The following RNF180 variants were observed in gnomAD, a reference collection of about 807,000 sequenced individuals.
RNF180 encodes ring finger protein 180, also known as E3 ubiquitin-protein ligase RNF180.
A neutral mutation model predicts 59.2 loss-of-function variants in RNF180; 38 were observed. The ratio of observed to expected loss-of-function variants is 0.64; its 90% confidence interval spans 0.50 to 0.84. RNF180 has a LOEUF of 0.84. Among genes scored for constraint, RNF180 ranks in the 40% least tolerant of loss-of-function variants. The probability of loss-of-function intolerance (pLI) is 0.00; values close to 1 mark genes in which losing one functional copy is unlikely to be tolerated. For missense variants in RNF180, 705 were observed against 700.9 expected (o/e 1.01, Z -0.07); for synonymous variants, 262 against 240.3 (o/e 1.09, Z -0.84).
chr5:64,324,142 C>T (rs1744511001), intron 5 of RNF180, among the ~76,000 whole-genome samples: 1 of 152,168 alleles, frequency 6.6e-6, no homozygotes. Flanking sequence ...CTTCTAAAGA[C>T]CAAAACACTT....
At chr5:64,180,572 CAGAA>C (rs931925226) in intron 1 of RNF180, among the ~76,000 whole-genome samples, 1 of 152,048 alleles carries the variant, frequency 6.6e-6, no homozygotes, top group Non-Finnish European at 1.5e-5. Context: ...TTCAAAAACA[CAGAA>C]AGCAGGAGGA....
At chr5:64,258,017 A>G (rs11743112) in intron 5 of RNF180, among the ~76,000 whole-genome samples, 39,270 of 152,150 alleles carry the variant, frequency 0.26, 5,220 homozygotes, top group Middle Eastern at 0.32. Flanking sequence ...AAAAGAAGGA[A>G]TAACAGCAAA....
At chr5:64,281,076 G>A (rs554514494) in intron 5 of RNF180, among the ~76,000 whole-genome samples, 2 of 152,206 alleles carry the variant, frequency 1.3e-5, no homozygotes, top group Admixed American at 1.3e-4. Flanking sequence ...ATTGTGAATG[G>A]GATTGCATCC....
intron 4 of RNF180, among the ~76,000 whole-genome samples, chr5:64,214,769 G>A (rs1472428919): frequency 1.3e-5 from 2 of 152,070 alleles, no homozygotes; most frequent in Admixed American, 6.6e-5. Context: ...ATATTTTAGA[G>A]GGATATTAAT....
intron 5 of RNF180, among the ~76,000 whole-genome samples, chr5:64,316,995 G>GT (rs1744073153): frequency 6.6e-6 from 1 of 152,144 alleles, no homozygotes; most frequent in African/African-American, 2.4e-5. Context: ...ATATCCACAG[G>GT]TTTTACTTCT....
intron 1 of RNF180, among the ~76,000 whole-genome samples, chr5:64,167,046 G>A (rs1320988151): frequency 2.6e-5 from 4 of 152,210 alleles, no homozygotes; most frequent in Non-Finnish European, 5.9e-5. Flanking sequence ...GGTATCATTT[G>A]AGTCGTAGAA....
intron 7 of RNF180, among the ~76,000 whole-genome samples, chr5:64,361,068 G>T (rs75661737): frequency 6.6e-6 from 1 of 151,348 alleles, no homozygotes; most frequent in Non-Finnish European, 1.5e-5. Context: ...TAGTACTTCT[G>T]CTTGCAAGAT....
chr5:64,354,861 A>G (rs1273000476), intron 7 of RNF180, among the ~76,000 whole-genome samples: 4 of 151,938 alleles, frequency 2.6e-5, no homozygotes, highest in Non-Finnish European at 5.9e-5. Context: ...AGCATTCGAC[A>G]AAATCTAGCA....
intron 5 of RNF180, among the ~76,000 whole-genome samples, chr5:64,251,810 T>C (rs1279946150): frequency 6.6e-6 from 1 of 152,054 alleles, no homozygotes; most frequent in Non-Finnish European, 1.5e-5. Context: ...CAGTGAACTA[T>C]CTGAAAAACC....
intron 7 of RNF180, among the ~76,000 whole-genome samples, chr5:64,366,129 G>A (rs775010005): frequency 6.6e-6 from 1 of 151,574 alleles, no homozygotes; most frequent in Non-Finnish European, 1.5e-5. Context: ...CATATTTAAT[G>A]CATCTTTCAG....
At chr5:64,276,638 G>T (rs944162171) in intron 5 of RNF180, among the ~76,000 whole-genome samples, 1 of 151,474 alleles carries the variant, frequency 6.6e-6, no homozygotes, top group Non-Finnish European at 1.5e-5. Flanking sequence ...TAGCTCAATG[G>T]GATTTCTCAC....
At position 64,352,832 on chromosome 5, in the gene RNF180, C is replaced by T. The variant is rs1012467394; in HGVS notation, c.1580-16783C>T. Among the ~76,000 whole-genome samples, 6 of 151,906 alleles carry T rather than the reference C, an allele frequency of 3.9e-5. No homozygotes were observed. In the East Asian group the frequency reaches 1.2e-3, roughly 29 times the overall value. On this transcript the variant is annotated intron_variant, in intron 7 of 7. Coordinates refer to ENST00000389100, the MANE Select transcript of RNF180 (RefSeq NM_001113561.2). ...AAATACCTGAAATTCACAGTACTGT[C>T]ATAGATACATAAACAGAAACTGGCT...
chr5:64,324,915 G>C (rs1744559190), intron 5 of RNF180, among the ~76,000 whole-genome samples: 1 of 152,068 alleles, frequency 6.6e-6, no homozygotes, highest in African/African-American at 2.4e-5. Flanking sequence ...ATCTAGTGTT[G>C]ATTAAGCCAA....
At chr5:64,308,497 T>C (rs1363609472) in intron 5 of RNF180, among the ~76,000 whole-genome samples, 1 of 151,728 alleles carries the variant, frequency 6.6e-6, no homozygotes, top group East Asian at 1.9e-4. Context: ...AGTTATATAT[T>C]GATTATTTCA....
intron 2 of RNF180, among the ~76,000 whole-genome samples, chr5:64,210,098 A>G (rs367861569): frequency 1.3e-5 from 2 of 152,128 alleles, no homozygotes; most frequent in Non-Finnish European, 2.9e-5. Context: ...ATCAAACACT[A>G]AAAAAAGATG....
At chr5:64,306,290 T>G (rs1743451362) in intron 5 of RNF180, among the ~76,000 whole-genome samples, 1 of 151,690 alleles carries the variant, frequency 6.6e-6, no homozygotes, top group Non-Finnish European at 1.5e-5. Flanking sequence ...TGTATTATAC[T>G]GTTGATGATA....
At position 64,367,347 on chromosome 5, in the gene RNF180, A is replaced by G. The variant is rs149691437; in HGVS notation, c.1580-2268A>G. Among the ~76,000 whole-genome samples, 36 of 151,794 alleles carry G rather than the reference A, an allele frequency of 2.4e-4. No individual in the cohort carries two copies. In the East Asian group the frequency reaches 5.9e-3, roughly 25 times the overall value. On this transcript the variant is annotated intron_variant, in intron 7 of 7. Coordinates refer to ENST00000389100, the MANE Select transcript of RNF180 (RefSeq NM_001113561.2). ...TATAGAAAACCACCAGACTACAAAGATAAACAATAAAATATTACATATACT... is the reference window on the plus strand; with the variant it reads ...TATAGAAAACCACCAGACTACAAAGGTAAACAATAAAATATTACATATACT...
chr5:64,352,115 C>T lies in RNF180; in HGVS notation c.1580-17500C>T, dbSNP rs555338226. The stretch of plus-strand genomic sequence containing the variant: ...GGTCTATTCAGGGATTCAAGTTCTT[C>T]CTGGTTTAGTCTTTGGAGGGTGTAT... On this transcript the variant is annotated intron_variant, in intron 7 of 7. Transcript: ENST00000389100. Among the ~76,000 whole-genome samples, 225 of 152,104 alleles carry T rather than the reference C, an allele frequency of 1.5e-3. 1 individual carries two copies. Among genetic ancestry groups the T allele is most frequent in the African/African-American group, 5.2e-3 (216 of 41,496 alleles).
At chr5:64,165,614 CT>C (rs1320454299), upstream of RNF180, among the ~76,000 whole-genome samples, 4 of 152,342 alleles carry the variant, frequency 2.6e-5, no homozygotes, top group African/African-American at 9.6e-5. Context: ...GGGAGAAAAA[CT>C]TTCCCACGGT....
Sources: gnomAD v4.1 joint callset for allele counts (sites outside exome capture counted in the v4.1 genomes callset) on GRCh38, gnomAD v4.1.1 for gene constraint, MANE v1.5 for transcripts, NCBI Gene and HGNC (gene_info 2026-07-23, HGNC 2026-07-21) for gene names.